The following CD2AP variants were observed in gnomAD, a reference collection of about 807,000 sequenced individuals.
CD2AP encodes CD2-associated protein.
CD2AP carries 46 observed loss-of-function variants against 85.1 expected under a neutral mutation model. The observed-to-expected ratio is 0.54, with a 90% CI of 0.43 to 0.69. CD2AP has a LOEUF of 0.69. Among genes scored for constraint, CD2AP ranks in the 30% least tolerant of loss-of-function variants. The probability of loss-of-function intolerance (pLI) is 0.00; values close to 1 mark genes in which losing one functional copy is unlikely to be tolerated. For synonymous variants in CD2AP, 255 were observed against 252.9 expected, an observed-to-expected ratio of 1.01 and a Z score of -0.08; for missense variants, 769 against 729.5, an observed-to-expected ratio of 1.05 and a Z score of -0.62.
intron 2 of CD2AP, among the ~76,000 whole-genome samples, chr6:47,519,149 A>G (rs1444772216): frequency 1.2e-4 from 19 of 152,258 alleles, no homozygotes; most frequent in Admixed American, 1.2e-3. Flanking sequence ...AATATGCAAA[A>G]GAATAAATGA....
At chr6:47,542,795 G>A (rs1562023962) in intron 3 of CD2AP, among the ~76,000 whole-genome samples, 1 of 152,166 alleles carries the variant, frequency 6.6e-6, no homozygotes, top group South Asian at 2.1e-4. Flanking sequence ...GATTGCAGAA[G>A]CGAATAGGGG....
At position 47,566,323 on chromosome 6, in the gene CD2AP, T is replaced by TATATATATATATATATACACAC; in HGVS notation, c.542-7740_542-7739insTATATATATATATATACACACA. Among the ~76,000 whole-genome samples, 602 of 108,262 alleles carry TATATATATATATATATACACAC rather than the reference T, an allele frequency of 5.6e-3. 9 individuals carry two copies. Among genetic ancestry groups the TATATATATATATATATACACAC allele is most frequent in the South Asian group, 0.01 (30 of 2,868 alleles). The allele number at this position is 108,262 out of a possible 152,430, so 71.0% of individuals were successfully genotyped here. A position where few individuals can be genotyped will look rare whatever the true frequency, so the allele number is the denominator to read the frequency against. On this transcript the variant is annotated intron_variant, in intron 5 of 17. Coordinates refer to ENST00000359314, the MANE Select transcript of CD2AP (RefSeq NM_012120.3). ...TAGAATATATATATATATATATATA[T>TATATATATATATATATACACAC]ACACATACACATATATATATATGTA... is the stretch of plus-strand genomic sequence containing the variant.
intron 4 of CD2AP, among the ~76,000 whole-genome samples, chr6:47,552,749 G>A (rs1767562488): frequency 6.6e-6 from 1 of 151,980 alleles, no homozygotes; most frequent in Non-Finnish European, 1.5e-5. Flanking sequence ...TTCTAGTTTG[G>A]TCTACATCTA....
At chr6:47,611,605 TTTTC>T (rs1368742104) in intron 16 of CD2AP, among the ~76,000 whole-genome samples, 1 of 151,880 alleles carries the variant, frequency 6.6e-6, no homozygotes, top group Non-Finnish European at 1.5e-5. Context: ...TTCATGAATT[TTTTC>T]TTTTTTACTT....
intron 5 of CD2AP, among the ~76,000 whole-genome samples, chr6:47,570,628 T>C (rs1007426507): frequency 3.3e-5 from 5 of 152,060 alleles, no homozygotes; most frequent in African/African-American, 9.7e-5. Flanking sequence ...TGGTTCTCAG[T>C]GATACATCTT....
intron 12 of CD2AP, among the ~76,000 whole-genome samples, chr6:47,597,964 G>A (rs556424183): frequency 2.0e-5 from 3 of 150,930 alleles, no homozygotes; most frequent in Non-Finnish European, 4.5e-5. Flanking sequence ...ACATGCAGCA[G>A]TAGTCAAGGA....
At chr6:47,616,627 G>C (rs537619924) in intron 17 of CD2AP, among the ~76,000 whole-genome samples, 2 of 152,052 alleles carry the variant, frequency 1.3e-5, no homozygotes, top group Non-Finnish European at 2.9e-5. Context: ...CCATTATTCA[G>C]AATCAAAGAA....
chr6:47,517,478 G>T (rs548560947), intron 2 of CD2AP, among the ~76,000 whole-genome samples: 1 of 152,092 alleles, frequency 6.6e-6, no homozygotes, highest in South Asian at 2.1e-4. Flanking sequence ...TTTTGTGGAG[G>T]TGGGGTTTGC....
At chr6:47,494,212 G>A (rs1051041097) in intron 1 of CD2AP, among the ~76,000 whole-genome samples, 12 of 152,264 alleles carry the variant, frequency 7.9e-5, no homozygotes, top group African/African-American at 2.9e-4. Context: ...CTGCCTAGGA[G>A]TTGGATTGTG....
chr6:47,544,727 AG>A (rs1767321074), intron 4 of CD2AP, 21 bp downstream of exon 4: 1 of 1,336,956 alleles, frequency 7.5e-7, no homozygotes, highest in Non-Finnish European at 1.1e-6. Context: ...AATGTGTTAC[AG>A]GTAAAACAGT....
At chr6:47,513,891 T>G (rs1214628071) in intron 2 of CD2AP, among the ~76,000 whole-genome samples, 7 of 142,880 alleles carry the variant, frequency 4.9e-5, no homozygotes, top group East Asian at 2.2e-4. Flanking sequence ...AAATTTTTTT[T>G]TGGGGGGGGG....
chr6:47,590,828 A>G (rs1768772963), intron 11 of CD2AP, among the ~76,000 whole-genome samples: 2 of 152,194 alleles, frequency 1.3e-5, no homozygotes, highest in Admixed American at 1.3e-4. Context: ...TAAAAGCATC[A>G]GGCCACAAAA....
intron 11 of CD2AP, among the ~76,000 whole-genome samples, chr6:47,591,753 T>G (rs1768799527): frequency 6.6e-6 from 1 of 152,152 alleles, no homozygotes; most frequent in African/African-American, 2.4e-5. Flanking sequence ...TTTGGTTATT[T>G]TGTTGTATTT....
rs372109097 is a variant in CD2AP at position 47,595,937 on chromosome 6, T to C, written c.1185T>C (p.Pro395=). 1 of 1,612,554 alleles carries C rather than the reference T, an allele frequency of 6.2e-7. No individual in the cohort carries two copies. Among genetic ancestry groups the C allele is most frequent in the African/African-American group, 1.3e-5 (1 of 74,854 alleles). The change falls in exon 12 of 18, where the codon CCT becomes CCC. Residue 395 remains proline (P), a synonymous_variant. Coordinates refer to ENST00000359314, the MANE Select transcript of CD2AP (RefSeq NM_012120.3). ...TCCCACCCAAGAAACCTACTCCACC[T>C]ACCAAAGCCAGTAATTTACTGAGAT... ...PQVPPKKPTP[P]TKASNLLRSS...
In CD2AP at chr6:47,587,421, TG is replaced by T. The variant is rs1344942686; in HGVS notation, c.1108+5357del. On this transcript the variant is annotated intron_variant, in intron 11 of 17. Transcript: ENST00000359314. ...ATATTTTCTCAAATGTTTAGATAGG[TG>T]ATTAAACTCTCACTTTCTACTTTCT... 5.0e-5 allele frequency among the ~76,000 whole-genome samples: 7 copies of T among 140,222 alleles called. No individual in the cohort carries two copies. In the Admixed American group the frequency reaches 5.5e-4, roughly 11 times the overall value. The allele number at this position is 140,222 out of a possible 152,430, so 92.0% of individuals were successfully genotyped here.
intron 2 of CD2AP, among the ~76,000 whole-genome samples, chr6:47,511,247 T>G (rs1766307051): frequency 6.6e-6 from 1 of 152,190 alleles, no homozygotes; most frequent in African/African-American, 2.4e-5. Flanking sequence ...TGTGGTATTC[T>G]TCCCCAAAGT....
intron 17 of CD2AP, among the ~76,000 whole-genome samples, chr6:47,623,471 G>C (rs17217136): frequency 0.29 from 44,429 of 152,128 alleles, 8,182 homozygotes; most frequent in Middle Eastern, 0.5. Flanking sequence ...ACTTGTTAGT[G>C]TGGAACATTG....
At chr6:47,577,204 A>AGTGTTCTT in intron 8 of CD2AP, 101 bp downstream of exon 8, 1 of 709,324 alleles carries the variant, frequency 1.4e-6, no homozygotes, top group Non-Finnish European at 2.5e-6. Flanking sequence ...TTCACCCTGG[A>AGTGTTCTT]ATCTAGAAGA....
chr6:47,566,101 G>A (rs1475865228), intron 5 of CD2AP, among the ~76,000 whole-genome samples: 1 of 151,914 alleles, frequency 6.6e-6, no homozygotes, highest in East Asian at 1.9e-4. Flanking sequence ...TCTTCAAGAT[G>A]TCCTGATGGC....
Sources: allele counts gnomAD v4.1 joint callset (sites outside exome capture counted in the v4.1 genomes callset), GRCh38; gene constraint gnomAD v4.1.1; transcripts MANE v1.5; gene names NCBI Gene and HGNC (gene_info 2026-07-23, HGNC 2026-07-21).